Variants in RASSF8 observed in about 807,000 individuals in gnomAD.
RASSF8 encodes the protein ras association domain-containing protein 8.
Under a neutral mutation model 48.5 loss-of-function variants are expected in RASSF8, and 22 were observed. That is an observed-to-expected ratio of 0.45 (90% CI 0.32 to 0.65). The LOEUF (loss-of-function observed/expected upper bound fraction) is 0.65. Among genes scored for constraint, RASSF8 ranks in the 30% least tolerant of loss-of-function variants. The probability of loss-of-function intolerance (pLI) is 0.03; values close to 1 mark genes in which losing one functional copy is unlikely to be tolerated. For missense variants in RASSF8, 418 were observed against 489.2 expected, an observed-to-expected ratio of 0.85 and a Z score of 1.37; for synonymous variants, 127 against 171.5, an observed-to-expected ratio of 0.74 and a Z score of 2.03.
At chr12:26,007,648 A>G (rs1266542359) in intron 2 of RASSF8, among the ~76,000 whole-genome samples, 2 of 152,342 alleles carry the variant, frequency 1.3e-5, no homozygotes, top group East Asian at 3.9e-4. Context: ...AAAGCCCAGA[A>G]AGGAACAGGG....
chr12:26,008,040 G>A lies in RASSF8; in HGVS notation c.-109+12910G>A, dbSNP rs374494555. Among the ~76,000 whole-genome samples, 50 of 152,262 alleles carry A rather than the reference G, an allele frequency of 3.3e-4. 1 individual carries two copies. The East Asian group carries it at 7.3e-3, about 22-fold the overall frequency. Reference sequence around the variant, plus strand: ...TGTAATCCCAGCACTTTGGGAGGCCGAGGCGGGCAGATCTCAAGGTCAGGA... The same window carrying A: ...TGTAATCCCAGCACTTTGGGAGGCCAAGGCGGGCAGATCTCAAGGTCAGGA... On this transcript the variant is annotated intron_variant, in intron 2 of 5. Coordinates refer to ENST00000689635, the MANE Select transcript of RASSF8 (RefSeq NM_001394098.1).
Position 26,055,452 on chromosome 12 carries a change from T to A in RASSF8, c.103+6T>A. 1 of 1,604,564 alleles carries A rather than the reference T, an allele frequency of 6.2e-7. No individual in the cohort carries two copies. On this transcript the variant is annotated splice_donor_region_variant and intron_variant, in intron 3 of 5. Transcript: ENST00000689635. ...AGCCTTAGCTCAAGCAATAGGTGAG[T>A]GAACTCTGTGGGTATCTGAGAAAAG...
At chr12:26,040,120 A>G (rs1282511439) in intron 2 of RASSF8, among the ~76,000 whole-genome samples, 4 of 152,160 alleles carry the variant, frequency 2.6e-5, no homozygotes, top group African/African-American at 7.2e-5. Context: ...TTTATTTTTA[A>G]TAATCTTTTT....
intron 2 of RASSF8, among the ~76,000 whole-genome samples, chr12:26,031,126 A>G (rs150095165): frequency 1.3e-5 from 2 of 152,084 alleles, no homozygotes; most frequent in Non-Finnish European, 2.9e-5. Flanking sequence ...ACAATCAAAT[A>G]AGCTTTATTT....
At chr12:26,011,960 A>G (rs1378005847) in intron 2 of RASSF8, 1 of 152,250 alleles carries the variant, frequency 6.6e-6, no homozygotes, top group African/African-American at 2.4e-5. Context: ...TATGCGTATC[A>G]TATCTGTGAT....
chr12:25,996,344 T>G (rs748447446), intron 2 of RASSF8, among the ~76,000 whole-genome samples: 1 of 152,228 alleles, frequency 6.6e-6, no homozygotes, highest in Non-Finnish European at 1.5e-5. Context: ...CACTTAAATT[T>G]TAGTTTTGAC....
chr12:26,071,625 A>G lies in RASSF8; in HGVS notation c.*2807A>G, dbSNP rs80131887. On this transcript the variant is annotated 3_prime_UTR_variant, in exon 6 of 6. Coordinates refer to ENST00000689635, the MANE Select transcript of RASSF8 (RefSeq NM_001394098.1). ...TGTCCTTCTGAGATATTTTGGTTTG[A>G]TAACATTTTGTTTTTTGTCTTGATG... is the stretch of plus-strand genomic sequence containing the variant. 1.0e-3 allele frequency: 1,005 copies of G among 985,142 alleles called. 11 individuals carry two copies. The African/African-American group carries it at 0.017, about 16-fold the overall frequency. 61.0% of individuals were successfully genotyped at this position (985,142 alleles called of 1,614,324 possible).
intron 2 of RASSF8, among the ~76,000 whole-genome samples, chr12:26,051,247 A>G (rs1042420008): frequency 2.6e-5 from 4 of 152,218 alleles, no homozygotes; most frequent in Non-Finnish European, 4.4e-5. Context: ...ACATGTAATA[A>G]GTACTTGTGC....
In RASSF8 at chr12:25,959,015, C is replaced by CGCCGGGGAGT. The variant is rs911100087; in HGVS notation, c.-323_-314dup. 8 of 144,056 alleles carry CGCCGGGGAGT rather than the reference C, an allele frequency of 5.6e-5. No individual in the cohort carries two copies. The highest frequency in any genetic ancestry group is 4.3e-4 in the South Asian group (2 of 4,672). The allele number at this position is 144,056 out of a possible 1,614,324, so 8.9% of individuals were successfully genotyped here. ...GGTGCGGGGCGCGCGGCGCGGGGAG[C>CGCCGGGGAGT]GCCGGGGAGTGCCGGGGAGTGCGGC... is the stretch of plus-strand genomic sequence containing the variant. On this transcript the variant is annotated 5_prime_UTR_variant, in exon 1 of 6. Coordinates refer to ENST00000689635, the MANE Select transcript of RASSF8 (RefSeq NM_001394098.1).
chr12:25,994,029 A>G (rs879537585), intron 1 of RASSF8, among the ~76,000 whole-genome samples: 1 of 152,172 alleles, frequency 6.6e-6, no homozygotes, highest in Non-Finnish European at 1.5e-5. Context: ...TCAGGGCTAT[A>G]GCAGCTGTGC....
rs967883607 is a variant in RASSF8, at chr12:26,067,525, A to G, written c.994-44A>G. On this transcript the variant is annotated intron_variant, in intron 4 of 5. Transcript: ENST00000689635. Reference sequence around the variant, plus strand: ...CTCACAAAGATGTCTTGCACTGTCCAGTAGTGAATCCTCAAATTTAAAAAA... The same window carrying G: ...CTCACAAAGATGTCTTGCACTGTCCGGTAGTGAATCCTCAAATTTAAAAAA... 5.2e-6 allele frequency: 8 copies of G among 1,534,676 alleles called. No homozygotes were observed. The African/African-American group carries it at 1.1e-4, about 21-fold the overall frequency.
intron 1 of RASSF8, among the ~76,000 whole-genome samples, chr12:25,976,195 T>C (rs564491695): frequency 6.6e-6 from 1 of 152,270 alleles, no homozygotes; most frequent in South Asian, 2.1e-4. Context: ...ATCGACTTCC[T>C]AGGACTAAAT....
intron 2 of RASSF8, among the ~76,000 whole-genome samples, chr12:26,050,062 C>T (rs1476587726): frequency 2.6e-5 from 4 of 152,104 alleles, no homozygotes; most frequent in South Asian, 2.1e-4. Context: ...GAATTACAGG[C>T]GTGAGCCACC....
downstream of RASSF8, among the ~76,000 whole-genome samples, chr12:26,074,457 C>T (rs2058636087): frequency 6.6e-6 from 1 of 152,124 alleles, no homozygotes; most frequent in Admixed American, 6.5e-5. Context: ...ATTCTCCTGC[C>T]TCAGCCTCCT....
At chr12:26,060,209 A>G (rs577983074) in intron 3 of RASSF8, among the ~76,000 whole-genome samples, 8 of 152,122 alleles carry the variant, frequency 5.3e-5, no homozygotes, top group Non-Finnish European at 8.8e-5. Context: ...TATTTTTATT[A>G]TGTTTAGTAG....
At chr12:26,024,988 T>C (rs1942874042) in intron 2 of RASSF8, among the ~76,000 whole-genome samples, 2 of 151,612 alleles carry the variant, frequency 1.3e-5, no homozygotes, top group Admixed American at 6.6e-5. Flanking sequence ...ATACACTACA[T>C]CAATAGAATA....
intron 3 of RASSF8, among the ~76,000 whole-genome samples, chr12:26,057,108 G>GTGTGTGTGTGTGTA (rs1555169464): frequency 4.4e-4 from 66 of 151,320 alleles, no homozygotes; most frequent in Non-Finnish European, 3.0e-5. Flanking sequence ...TTTTGTGTGT[G>GTGTGTGTGTGTGTA]TGTGTGTGTG....
chr12:26,001,465 A>T (rs1376389906), intron 2 of RASSF8, among the ~76,000 whole-genome samples: 1 of 152,122 alleles, frequency 6.6e-6, no homozygotes, highest in African/African-American at 2.4e-5. Flanking sequence ...TTCTTTTGTG[A>T]TAACACTTTG....
chr12:26,062,907 C>A (rs557157491), intron 3 of RASSF8, among the ~76,000 whole-genome samples: 1 of 152,114 alleles, frequency 6.6e-6, no homozygotes, highest in Admixed American at 6.6e-5. Flanking sequence ...AAGTAACTCA[C>A]GTAGGATTGT....
Sources: allele counts gnomAD v4.1 joint callset (sites outside exome capture counted in the v4.1 genomes callset), GRCh38; gene constraint gnomAD v4.1.1; transcripts MANE v1.5; gene names NCBI Gene and HGNC (gene_info 2026-07-23, HGNC 2026-07-21).